The following DNAH17 variants were observed in gnomAD, a reference collection of about 807,000 sequenced individuals.
DNAH17 encodes dynein axonemal heavy chain 17.
Under a neutral mutation model 485.6 loss-of-function variants are expected in DNAH17, and 376 were observed. The ratio of observed to expected loss-of-function variants is 0.77; its 90% confidence interval spans 0.71 to 0.84. DNAH17 has a LOEUF of 0.84. Ranked by LOEUF, DNAH17 falls within the 40% of genes least tolerant of loss-of-function variation. The pLI is 0.00. For missense variants in DNAH17, 6,370 were observed against 5,839.3 expected, an observed-to-expected ratio of 1.09 and a Z score of -2.96; for synonymous variants, 3,031 against 2,405.9, an observed-to-expected ratio of 1.26 and a Z score of -7.60.
chr17:78,576,819 G>A (rs571432311), intron 1 of DNAH17, among the ~76,000 whole-genome samples: 1 of 152,224 alleles, frequency 6.6e-6, no homozygotes, highest in Non-Finnish European at 1.5e-5. Context: ...GGGCTGAGGG[G>A]CCCCTACACC....
intron 33 of DNAH17, chr17:78,502,353 G>T: frequency 5.0e-6 from 2 of 401,766 alleles, no homozygotes; most frequent in Non-Finnish European, 4.4e-6. Context: ...CCAATTTTCA[G>T]GCGAGAAATC....
chr17:78,484,856 G>T lies in DNAH17; in HGVS notation c.7649+12C>A. 1 of 1,487,234 alleles carries T rather than the reference G, an allele frequency of 6.7e-7. No individual in the cohort carries two copies. Among genetic ancestry groups the T allele is most frequent in the Non-Finnish European group, 9.0e-7 (1 of 1,110,068 alleles). The allele number at this position is 1,487,234 out of a possible 1,614,324, so 92.1% of individuals were successfully genotyped here. On this transcript the variant is annotated intron_variant, in intron 48 of 80. Coordinates refer to ENST00000389840, the MANE Select transcript of DNAH17 (RefSeq NM_173628.4). ...GGGCCACGCCTTCCCCTCCGGCCCC[G>T]CCCCGTCTAACCAGTGCCGGTGGTC...
In DNAH17 at chr17:78,505,409, A is replaced by G. The variant is rs1308021512; in HGVS notation, c.4840T>C (p.Cys1614Arg). The G allele has an allele frequency of 6.2e-7, 1 of 1,613,912 alleles. No homozygotes were observed. The highest frequency in any genetic ancestry group is 1.3e-5 in the African/African-American group (1 of 74,944). Residue 1614 changes from cysteine to arginine, a missense_variant, in exon 31 of 81, where the codon TGT becomes CGT. Transcript: ENST00000389840. ...RHLSKLFDSL[C>R]KLKFRLDASD... Reference sequence around the variant, plus strand: ...GCATCGAGCCGGAACTTCAGTTTACACAGGCTATCGAAGAGTTTGGACAGG... The same window carrying G: ...GCATCGAGCCGGAACTTCAGTTTACGCAGGCTATCGAAGAGTTTGGACAGG...
At chr17:78,498,182 AATAAATAAAT>A (rs879567782) in intron 37 of DNAH17, among the ~76,000 whole-genome samples, 485 of 151,752 alleles carry the variant, frequency 3.2e-3, no homozygotes, top group Non-Finnish European at 4.3e-3. Flanking sequence ...TAAATAAATA[AATAAATAAAT>A]AAAGCAGGCT....
intron 69 of DNAH17, among the ~76,000 whole-genome samples, chr17:78,448,186 C>A (rs1186599729): frequency 6.8e-6 from 1 of 147,974 alleles, no homozygotes; most frequent in African/African-American, 2.5e-5. Context: ...AACAAACAAA[C>A]AAAAAAACCA....
At position 78,492,749 on chromosome 17, in the gene DNAH17, T is replaced by C. The variant is rs367823012; in HGVS notation, c.6425A>G (p.Asn2142Ser). The change falls in exon 42 of 81, where the codon AAC becomes AGC. Residue 2142 changes from asparagine (N) to serine (S), a missense_variant. Asn to Ser is a conservative substitution (Grantham distance 46). Transcript: ENST00000389840. ...CCTCTTCAGGTTCTGATAGGTCTTG[T>C]TGAGGGATTTGAGGACCTGGCGAAG... is the stretch of plus-strand genomic sequence containing the variant. Reference protein sequence around the residue: ...SGKSQVLKSLNKTYQNLKRKP... With the variant: ...SGKSQVLKSLSKTYQNLKRKP... The C allele has an allele frequency of 2.5e-4, 408 of 1,611,864 alleles. No homozygotes were observed. The highest frequency in any genetic ancestry group is 4.4e-4 in the South Asian group (40 of 90,546).
chr17:78,434,041 C>T lies in DNAH17; in HGVS notation c.12213G>A (p.Glu4071=), dbSNP rs756220723. ...ISINVLYNYL[E]ANPKVPWDDL... is the part of the protein sequence containing the mutation. ...CACAGCCCCTCACCTTGGGGTTGGC[C>T]TCCAGGTAGTTGTAGAGCACGTTGA... The change falls in exon 75 of 81, where the codon GAG becomes GAA. Residue 4071 remains glutamate, a synonymous_variant. Coordinates refer to ENST00000389840, the MANE Select transcript of DNAH17 (RefSeq NM_173628.4). 6.2e-7 allele frequency: 1 copy of T among 1,606,790 alleles called. No homozygotes were observed. Among genetic ancestry groups the T allele is most frequent in the South Asian group, 1.1e-5 (1 of 90,580 alleles).
Position 78,437,710 on chromosome 17 carries a change from G to A in DNAH17, c.11964C>T (p.Ile3988=), listed in dbSNP as rs2086896355. The A allele has an allele frequency of 6.2e-7, 1 of 1,612,388 alleles. No homozygotes were observed. The highest frequency in any genetic ancestry group is 8.5e-7 in the Non-Finnish European group (1 of 1,179,752). The change falls in exon 74 of 81, where the codon ATC becomes ATT. Residue 3988 remains isoleucine, a synonymous_variant. Transcript: ENST00000389840. ...IIPQGILENA[I]KITNEPPTGM... ...CCGTGGGGGGCTCGTTGGTGATCTT[G>A]ATGGCGTTCTCCAGAATGCCCTGGG... is the stretch of plus-strand genomic sequence containing the variant.
intron 77 of DNAH17, among the ~76,000 whole-genome samples, chr17:78,427,769 CA>C (rs1416514965): frequency 6.6e-6 from 1 of 152,118 alleles, no homozygotes; most frequent in Non-Finnish European, 1.5e-5. Flanking sequence ...ATCAGGAGTT[CA>C]AAACCAGCCT....
chr17:78,501,379 G>A, intron 34 of DNAH17, 35 bp from the exon 35 acceptor site: 1 of 1,563,728 alleles, frequency 6.4e-7, no homozygotes, highest in Non-Finnish European at 8.7e-7. Flanking sequence ...TTGCCAGGTG[G>A]AATACAAGAG....
chr17:78,495,170 C>T, intron 38 of DNAH17, 73 bp from the exon 39 acceptor site: 1 of 1,485,012 alleles, frequency 6.7e-7, no homozygotes, highest in Non-Finnish European at 9.0e-7. Flanking sequence ...TGTCCCTCTT[C>T]ACCTAGGAGA....
intron 16 of DNAH17, among the ~76,000 whole-genome samples, chr17:78,544,597 T>C (rs900409708): frequency 6.6e-6 from 1 of 151,924 alleles, no homozygotes; most frequent in Non-Finnish European, 1.5e-5. Flanking sequence ...GGTCAGGAGA[T>C]CGAGACCATC....
Position 78,450,845 on chromosome 17 carries a change from G to A in DNAH17, c.10736C>T (p.Ala3579Val). Reference sequence around the variant, plus strand: ...TTCGTTTTGAGACTTGGTGAGGTTTGCCTGCAAGGGGAGGTGCAGGAGTCA... The same window carrying A: ...TTCGTTTTGAGACTTGGTGAGGTTTACCTGCAAGGGGAGGTGCAGGAGTCA... ...KERPDLEQLKANLTKSQNEFK... is the reference protein window; with the variant it reads ...KERPDLEQLKVNLTKSQNEFK... The change falls in exon 67 of 81, where the codon GCA becomes GTA. Residue 3579 changes from alanine (A) to valine (V), a missense_variant and splice_region_variant. Ala to Val is a moderately conservative substitution (Grantham distance 64). Coordinates refer to ENST00000389840, the MANE Select transcript of DNAH17 (RefSeq NM_173628.4). The A allele has an allele frequency of 6.2e-7, 1 of 1,613,902 alleles. No homozygotes were observed. The highest frequency in any genetic ancestry group is 1.1e-5 in the South Asian group (1 of 91,088).
At position 78,423,970 on chromosome 17, in the gene DNAH17, A is replaced by AAGTTAAAGGTCCAGACATAG; in HGVS notation, c.13305_13324dup (p.Leu4442SerfsTer8). 1 of 1,614,002 alleles carries AAGTTAAAGGTCCAGACATAG rather than the reference A, an allele frequency of 6.2e-7. No homozygotes were observed. Among genetic ancestry groups the AAGTTAAAGGTCCAGACATAG allele is most frequent in the Non-Finnish European group, 8.5e-7 (1 of 1,179,888 alleles). On this transcript the variant is annotated frameshift_variant, in exon 81 of 81. Coordinates refer to ENST00000389840, the MANE Select transcript of DNAH17 (RefSeq NM_173628.4). LOFTEE classifies it high-confidence loss of function. The stretch of plus-strand genomic sequence containing the variant: ...CTTCGCTGCCTTCTCTTTGGTCTTC[A>AAGTTAAAGGTCCAGACATAG]AGTTAAAGGTCCAGACATAGGTGGG...
rs144501347 is a variant in DNAH17, at chr17:78,458,584, C to A, written c.9958G>T (p.Val3320Leu). 2.8e-4 allele frequency: 457 copies of A among 1,613,952 alleles called. 1 individual carries two copies. The African/African-American group carries it at 5.7e-3, about 20-fold the overall frequency. The change falls in exon 62 of 81, where the codon GTG (valine) becomes TTG (leucine). Residue 3320 changes from valine (V) to leucine (L), a missense_variant. Coordinates refer to ENST00000389840, the MANE Select transcript of DNAH17 (RefSeq NM_173628.4). ...CQQEADATNR[V>L]ILLANRLVGG... Reference sequence around the variant, plus strand: ...TGATACCTGTTCGCCAGTAAGATCACCCTGTTCGTGGCATCGGCCTCTTGC... The same window carrying A: ...TGATACCTGTTCGCCAGTAAGATCAACCTGTTCGTGGCATCGGCCTCTTGC...
At chr17:78,543,719 C>T (rs928589488) in intron 17 of DNAH17, 138 bp downstream of exon 17, 47 of 1,334,010 alleles carry the variant, frequency 3.5e-5, no homozygotes, top group Non-Finnish European at 4.8e-5. Flanking sequence ...GCCACTGCAT[C>T]CAGCCAGGTC....
Position 78,476,660 on chromosome 17 carries a change from T to G in DNAH17, c.8066A>C (p.Glu2689Ala). 1 of 1,613,038 alleles carries G rather than the reference T, an allele frequency of 6.2e-7. No homozygotes were observed. Among genetic ancestry groups the G allele is most frequent in the South Asian group, 1.1e-5 (1 of 90,766 alleles). ...DLVRLWLHET[E>A]RVYGDKMVDE... ...AACCATTTTGTCACCATACACTCGTTCAGTCTCATGTAGCCAAAGGCGGAC... is the reference window on the plus strand; with the variant it reads ...AACCATTTTGTCACCATACACTCGTGCAGTCTCATGTAGCCAAAGGCGGAC... Residue 2689 changes from glutamate (E) to alanine (A), a missense_variant, in exon 52 of 81, where the codon GAA becomes GCA. By Grantham distance (107) the Glu-to-Ala change is moderately radical. Coordinates refer to ENST00000389840, the MANE Select transcript of DNAH17 (RefSeq NM_173628.4).
At chr17:78,564,983 C>G in intron 11 of DNAH17, among the ~76,000 whole-genome samples, 1 of 152,140 alleles carries the variant, frequency 6.6e-6, no homozygotes, top group East Asian at 1.9e-4. Context: ...AGATTCTCAT[C>G]AGGGTCTCCA....
intron 22 of DNAH17, among the ~76,000 whole-genome samples, chr17:78,527,725 G>T (rs58652458): frequency 2.0e-5 from 3 of 152,008 alleles, no homozygotes; most frequent in Non-Finnish European, 4.4e-5. Flanking sequence ...ATGAATTTTG[G>T]TATTTCCCAA....
Sources: gnomAD v4.1 joint callset for allele counts (sites outside exome capture counted in the v4.1 genomes callset) on GRCh38, gnomAD v4.1.1 for gene constraint, MANE v1.5 for transcripts, NCBI Gene and HGNC (gene_info 2026-07-23, HGNC 2026-07-21) for gene names.